Variants in CASP9 observed in about 807,000 individuals in gnomAD.
CASP9 encodes the protein caspase 9.
Under a neutral mutation model 43.5 loss-of-function variants are expected in CASP9, and 29 were observed. The ratio of observed to expected loss-of-function variants is 0.67; its 90% CI spans 0.50 to 0.91. CASP9 has a LOEUF of 0.91. Ranked by LOEUF, CASP9 falls within the 40% of genes least tolerant of loss-of-function variation. The pLI is 0.00. For missense variants in CASP9, 575 were observed against 537.4 expected (o/e 1.07, Z -0.69); for synonymous variants, 206 against 211.9 (o/e 0.97, Z 0.24).
chr1:15,493,076 T>C, intron 8 of CASP9, 41 bp from the exon 9 acceptor site: 1 of 1,611,696 alleles, frequency 6.2e-7, no homozygotes, highest in Non-Finnish European at 8.5e-7. Context: ...AGTTCAGTTC[T>C]CTGGACTGAA....
At chr1:15,512,420 G>A (rs780364526) in intron 2 of CASP9, among the ~76,000 whole-genome samples, 5 of 152,194 alleles carry the variant, frequency 3.3e-5, no homozygotes, top group African/African-American at 4.8e-5. Flanking sequence ...TGAATAGAAC[G>A]AAACAGTGGA....
chr1:15,523,660 A>G (rs116285505), intron 1 of CASP9, among the ~76,000 whole-genome samples: 1,447 of 141,608 alleles, frequency 0.01, 21 homozygotes, highest in African/African-American at 0.036. Context: ...CAGTCAATTA[A>G]CAGACCTTAA....
At chr1:15,514,774 G>A (rs1333173031) in intron 2 of CASP9, among the ~76,000 whole-genome samples, 3 of 152,190 alleles carry the variant, frequency 2.0e-5, no homozygotes, top group Non-Finnish European at 4.4e-5. Context: ...GGGAGGCTGA[G>A]GCGGGTTTAT....
At chr1:15,524,789 C>T (rs950446779), upstream of CASP9, 186 of 1,001,056 alleles carry the variant, frequency 1.9e-4, no homozygotes, top group Non-Finnish European at 2.2e-4. Flanking sequence ...CGGGACGCAT[C>T]TAGAAGGTCT....
chr1:15,504,019 C>A (rs1709425464), intron 6 of CASP9, among the ~76,000 whole-genome samples: 1 of 152,010 alleles, frequency 6.6e-6, no homozygotes, highest in Non-Finnish European at 1.5e-5. Flanking sequence ...ATTTAAAAAA[C>A]AAAACAAAAA....
intron 6 of CASP9, among the ~76,000 whole-genome samples, chr1:15,501,524 C>T (rs1397991678): frequency 1.3e-5 from 2 of 152,152 alleles, no homozygotes; most frequent in East Asian, 1.9e-4. Context: ...TGTAAACAGA[C>T]CCCTCGCCAG....
Position 15,492,933 on chromosome 1 carries a change from G to A in CASP9, c.*10C>T, listed in dbSNP as rs1333014603. 1 of 1,613,202 alleles carries A rather than the reference G, an allele frequency of 6.2e-7. No individual in the cohort carries two copies. Among genetic ancestry groups the A allele is most frequent in the Non-Finnish European group, 8.5e-7 (1 of 1,180,018 alleles). On this transcript the variant is annotated 3_prime_UTR_variant, in exon 9 of 9. Coordinates refer to ENST00000333868, the MANE Select transcript of CASP9 (RefSeq NM_001229.5). ...GGGTGCAAGATAAGGCAGGGTGAGG[G>A]GCCCTGGCCTTATGATGTTTTAAAG...
intron 2 of CASP9, among the ~76,000 whole-genome samples, chr1:15,512,617 G>A (rs4646022): frequency 0.28 from 42,061 of 151,770 alleles, 6,683 homozygotes; most frequent in African/African-American, 0.43. Flanking sequence ...ACTTCTCAGC[G>A]TCCATAATTG....
intron 2 of CASP9, among the ~76,000 whole-genome samples, chr1:15,515,525 A>G: frequency 6.6e-6 from 1 of 152,240 alleles, no homozygotes; most frequent in East Asian, 1.9e-4. Context: ...CCACATGTCC[A>G]TCAATAGGAA....
chr1:15,516,155 T>C (rs1454988054), intron 2 of CASP9, among the ~76,000 whole-genome samples: 2 of 150,840 alleles, frequency 1.3e-5, no homozygotes, highest in East Asian at 1.9e-4. Flanking sequence ...TGAGCTGAGA[T>C]TGCGCCACTG....
intron 7 of CASP9, among the ~76,000 whole-genome samples, chr1:15,494,394 G>A (rs1025266800): frequency 2.0e-5 from 3 of 151,986 alleles, no homozygotes; most frequent in Non-Finnish European, 4.4e-5. Flanking sequence ...GTGAAACCCT[G>A]TGTCTACTAA....
chr1:15,518,053 T>G, intron 2 of CASP9, 57 bp downstream of exon 2: 8 of 1,564,634 alleles, frequency 5.1e-6, no homozygotes, highest in Non-Finnish European at 7.0e-6. Context: ...GTACTCATAG[T>G]GAGTCCCAAA....
Position 15,521,633 on chromosome 1 carries a change from C to T in CASP9, c.132+2436G>A, listed in dbSNP as rs1231479675. 2.0e-5 allele frequency among the ~76,000 whole-genome samples: 3 copies of T among 152,230 alleles called. No homozygotes were observed. The East Asian group carries it at 5.8e-4, about 29-fold the overall frequency. ...CCCTGTCCTATGATCACGTGACTTG[C>T]TTCACCTTATCAATCACTTAGAAGA... On this transcript the variant is annotated intron_variant, in intron 1 of 8. Coordinates refer to ENST00000333868, the MANE Select transcript of CASP9 (RefSeq NM_001229.5).
intron 6 of CASP9, 147 bp downstream of exon 6, chr1:15,504,464 G>C: frequency 1.4e-6 from 1 of 734,886 alleles, no homozygotes; most frequent in Middle Eastern, 4.0e-4. Context: ...GCCAGACAGA[G>C]GTGCTGCCAA....
intron 6 of CASP9, among the ~76,000 whole-genome samples, chr1:15,500,044 T>C (rs928298340): frequency 7.9e-5 from 12 of 152,006 alleles, no homozygotes; most frequent in Admixed American, 3.3e-4. Flanking sequence ...TCTTCTGCAG[T>C]AGGGCTCATG....
At chr1:15,513,061 T>G (rs1326861905) in intron 2 of CASP9, among the ~76,000 whole-genome samples, 1 of 150,364 alleles carries the variant, frequency 6.7e-6, no homozygotes, top group African/African-American at 2.5e-5. Flanking sequence ...CTCGGGAGGC[T>G]GAGGCGAGAG....
intron 6 of CASP9, among the ~76,000 whole-genome samples, chr1:15,503,027 G>C (rs35448662): frequency 2.0e-5 from 3 of 152,114 alleles, no homozygotes; most frequent in Non-Finnish European, 2.9e-5. Context: ...GGAGCGGGGG[G>C]CAGGCTGGGT....
At chr1:15,524,344 G>T (rs1469446414), upstream of CASP9, 3 of 1,379,410 alleles carry the variant, frequency 2.2e-6, no homozygotes, top group Non-Finnish European at 2.8e-6. Flanking sequence ...CACCGCCTCC[G>T]GACGCATCTC....
intron 1 of CASP9, among the ~76,000 whole-genome samples, chr1:15,520,731 A>G (rs192350492): frequency 4.4e-4 from 67 of 152,344 alleles, no homozygotes; most frequent in African/African-American, 1.6e-3. Flanking sequence ...AGGCAGGCAG[A>G]TCACAAGGTT....
Sources: gnomAD v4.1 joint callset for allele counts (sites outside exome capture counted in the v4.1 genomes callset) on GRCh38, gnomAD v4.1.1 for gene constraint, MANE v1.5 for transcripts, NCBI Gene and HGNC (gene_info 2026-07-23, HGNC 2026-07-21) for gene names.